The following FSIP2 variants were observed in gnomAD, a reference collection of about 807,000 sequenced individuals.
FSIP2 encodes the protein fibrous sheath-interacting protein 2.
In FSIP2, 367 loss-of-function variants were observed where a neutral mutation model predicts 510.5. The observed-to-expected ratio is 0.72, with a 90% CI of 0.66 to 0.78. The LOEUF (loss-of-function observed/expected upper bound fraction) is 0.78. Among genes scored for constraint, FSIP2 ranks in the 30% least tolerant of loss-of-function variants. The pLI is 0.00. For synonymous variants in FSIP2, 2,601 were observed against 2,732.2 expected (o/e 0.95, Z 1.50); for missense variants, 7,594 against 7,901.7 (o/e 0.96, Z 1.48).
chr2:185,791,983 A>AGAT lies in FSIP2; in HGVS notation c.4848_4850dup (p.Lys1616_Ile1617insMet). The AGAT allele has an allele frequency of 2.6e-6, 4 of 1,533,960 alleles. No individual in the cohort carries two copies. The highest frequency in any genetic ancestry group is 3.5e-6 in the Non-Finnish European group (4 of 1,145,386). ...AATGATGGAAATAAGAAAAGCAATA[A>AGAT]GATAGGCTGGGAATATGAAAGCACC... On this transcript the variant is annotated inframe_insertion, in exon 16 of 23. Coordinates refer to ENST00000424728, the MANE Select transcript of FSIP2 (RefSeq NM_173651.4).
At chr2:185,826,625 G>GT (rs34269184) in intron 20 of FSIP2, among the ~76,000 whole-genome samples, 2,742 of 151,732 alleles carry the variant, frequency 0.018, 32 homozygotes, top group Non-Finnish European at 0.027. Context: ...TATTTTAACT[G>GT]TTTTTTTGAC....
In FSIP2 at chr2:185,802,964, A is replaced by G; in HGVS notation, c.13658A>G (p.Gln4553Arg). The G allele has an allele frequency of 1.3e-6, 2 of 1,529,456 alleles. No individual in the cohort carries two copies. The highest frequency in any genetic ancestry group is 1.7e-6 in the Non-Finnish European group (2 of 1,143,742). The allele number at this position is 1,529,456 out of a possible 1,614,324, so 94.7% of individuals were successfully genotyped here. ...LVDSVFANVV[Q>R]TSGSQESAVQ... is the part of the protein sequence containing the mutation. ...GATTCAGTATTTGCAAATGTTGTGC[A>G]AACCTCTGGTTCTCAAGAATCAGCT... Residue 4553 changes from glutamine to arginine, a missense_variant, in exon 17 of 23, where the codon CAA becomes CGA. Transcript: ENST00000424728.
At chr2:185,772,494 G>A (rs2105577660) in intron 13 of FSIP2, among the ~76,000 whole-genome samples, 1 of 152,266 alleles carries the variant, frequency 6.6e-6, no homozygotes, top group Non-Finnish European at 1.5e-5. Context: ...AGGGGAGCAG[G>A]CATATCACAT....
intron 13 of FSIP2, among the ~76,000 whole-genome samples, chr2:185,781,720 C>A (rs1414932285): frequency 2.0e-5 from 3 of 152,160 alleles, no homozygotes; most frequent in Admixed American, 2.0e-4. Context: ...GGCTTTAATG[C>A]TCTATACTGA....
rs1180434068 is a variant in FSIP2, at chr2:185,800,696, T to C, written c.11390T>C (p.Val3797Ala). 14 of 1,534,016 alleles carry C rather than the reference T, an allele frequency of 9.1e-6. No individual in the cohort carries two copies. The highest frequency in any genetic ancestry group is 6.1e-6 in the Non-Finnish European group (7 of 1,145,598). The change falls in exon 17 of 23, where the codon GTA (valine) becomes GCA (alanine). Residue 3797 changes from valine to alanine, a missense_variant. Transcript: ENST00000424728. The stretch of plus-strand genomic sequence containing the variant: ...CAACTTTTAAAAATGCTTCAAAGTG[T>C]AGAAGATGGAAAATCTGATTATCGT... The part of the protein sequence containing the change: ...ECQLLKMLQS[V>A]EDGKSDYRKG...
intron 13 of FSIP2, among the ~76,000 whole-genome samples, chr2:185,769,020 T>C (rs1183513862): frequency 1.3e-5 from 2 of 152,202 alleles, no homozygotes; most frequent in Non-Finnish European, 1.5e-5. Flanking sequence ...TTTTTAAAAA[T>C]CTAGTCTACC....
At chr2:185,765,493 A>C (rs570940284) in intron 13 of FSIP2, 127 of 152,046 alleles carry the variant, frequency 8.4e-4, no homozygotes, top group African/African-American at 2.8e-3. Context: ...GTTCTGTTCC[A>C]TTGATCTATA....
intron 19 of FSIP2, among the ~76,000 whole-genome samples, chr2:185,819,841 T>C (rs1693883277): frequency 3.1e-5 from 1 of 31,994 alleles, no homozygotes; most frequent in Non-Finnish European, 6.8e-5. Context: ...TTTCAATGTA[T>C]GATATTTTCC....
Position 185,787,973 on chromosome 2 carries a change from T to TGGTATTTATTTGTATTATC in FSIP2, c.1507-670_1507-669insGGTATTTATTTGTATTATC, listed in dbSNP as rs1171313224. 2.0e-5 allele frequency: 3 copies of TGGTATTTATTTGTATTATC among 151,626 alleles called. No homozygotes were observed. In the East Asian group the frequency reaches 5.8e-4, roughly 29 times the overall value. The allele number at this position is 151,626 out of a possible 1,614,324, so 9.4% of individuals were successfully genotyped here. On this transcript the variant is annotated intron_variant, in intron 15 of 22. Transcript: ENST00000424728. ...TTTATTTTTATTTTATTTGTATTAT[T>TGGTATTTATTTGTATTATC]TGTATTTATTTGTATTATCGCTTTT... is the stretch of plus-strand genomic sequence containing the variant.
At position 185,801,926 on chromosome 2, in the gene FSIP2, G is replaced by GA. The variant is rs1693447366; in HGVS notation, c.12626dup (p.Asn4209LysfsTer12). 5 of 1,515,636 alleles carry GA rather than the reference G, an allele frequency of 3.3e-6. No homozygotes were observed. The highest frequency in any genetic ancestry group is 3.5e-6 in the Non-Finnish European group (4 of 1,134,602). 93.9% of individuals were successfully genotyped at this position (1,515,636 alleles called of 1,614,324 possible). On this transcript the variant is annotated frameshift_variant, in exon 17 of 23. Coordinates refer to ENST00000424728, the MANE Select transcript of FSIP2 (RefSeq NM_173651.4). LOFTEE classifies it high-confidence loss of function. ...TATGATAATCAATATCTATATACTG[G>GA]AAAAAACCTCCAAAAGATGGTGGAT...
Position 185,813,599 on chromosome 2 carries a change from G to C in FSIP2, c.19882G>C (p.Glu6628Gln). 6.4e-7 allele frequency: 1 copy of C among 1,572,448 alleles called. No homozygotes were observed. The highest frequency in any genetic ancestry group is 8.6e-7 in the Non-Finnish European group (1 of 1,160,534). The change falls in exon 18 of 23, where the codon GAG (glutamate) becomes CAG (glutamine). Residue 6628 changes from glutamate to glutamine, a missense_variant. Coordinates refer to ENST00000424728, the MANE Select transcript of FSIP2 (RefSeq NM_173651.4). The stretch of plus-strand genomic sequence containing the variant: ...AAGAAAGCCTGATATTACAAAGGTG[G>C]AGCTCTTAAAAGATGTTCAAAGTAA... ...NIRKPDITKV[E>Q]LLKDVQSKND...
At chr2:185,768,810 C>T (rs1446973540) in intron 13 of FSIP2, among the ~76,000 whole-genome samples, 2 of 151,788 alleles carry the variant, frequency 1.3e-5, no homozygotes, top group Admixed American at 6.6e-5. Flanking sequence ...AGTGTGGCCT[C>T]GGTGTCATTC....
intron 13 of FSIP2, among the ~76,000 whole-genome samples, chr2:185,776,668 A>G (rs1559020276): frequency 6.6e-6 from 1 of 152,180 alleles, no homozygotes; most frequent in Non-Finnish European, 1.5e-5. Context: ...GATATGATAT[A>G]TGACATTTTT....
chr2:185,782,580 A>AGAG (rs1692875245), intron 13 of FSIP2, 125 bp from the exon 14 acceptor site: 1 of 656,954 alleles, frequency 1.5e-6, no homozygotes, highest in Non-Finnish European at 2.7e-6. Context: ...TTCACTGTGG[A>AGAG]GAGTCCCTGA....
Position 185,796,945 on chromosome 2 carries a change from T to C in FSIP2, c.9809T>C (p.Leu3270Ser). 1 of 1,534,938 alleles carries C rather than the reference T, an allele frequency of 6.5e-7. No homozygotes were observed. The highest frequency in any genetic ancestry group is 8.7e-7 in the Non-Finnish European group (1 of 1,146,234). Residue 3270 changes from leucine to serine, a missense_variant, in exon 16 of 23, where the codon TTA (leucine) becomes TCA (serine). By Grantham distance (145) the Leu-to-Ser change is moderately radical. Transcript: ENST00000424728. ...AGCTACCTCCCTGAAGGCAGTTTCT[T>C]ACAAAAGCTGCTTAGGAAAGCAAGT... Reference protein sequence around the residue: ...GNSYLPEGSFLQKLLRKASDS... With the variant: ...GNSYLPEGSFSQKLLRKASDS...
In FSIP2 at chr2:185,808,185, T is replaced by A; in HGVS notation, c.18879T>A (p.Ile6293=). The part of the protein sequence containing the change: ...DTIGFLMVNA[I]SNSEFQPQVE... Reference sequence around the variant, plus strand: ...TAGGCTTTTTAATGGTGAATGCAATTTCGAATTCTGAATTTCAACCTCAAG... The same window carrying A: ...TAGGCTTTTTAATGGTGAATGCAATATCGAATTCTGAATTTCAACCTCAAG... Residue 6293 remains isoleucine (I), a synonymous_variant, in exon 17 of 23, where the codon ATT becomes ATA. Transcript: ENST00000424728. 6.2e-7 allele frequency: 1 copy of A among 1,611,876 alleles called. No homozygotes were observed. The highest frequency in any genetic ancestry group is 8.5e-7 in the Non-Finnish European group (1 of 1,179,058).
Position 185,804,445 on chromosome 2 carries a change from C to T in FSIP2, c.15139C>T (p.Gln5047Ter). The change falls in exon 17 of 23, where the codon CAA becomes TAA. Residue 5047 changes from glutamine to a stop codon, truncating the protein, a stop_gained. Coordinates refer to ENST00000424728, the MANE Select transcript of FSIP2 (RefSeq NM_173651.4). LOFTEE classifies it high-confidence loss of function. ...KSLIQIHRVI[Q>*]SDTICFGRKI... Reference sequence around the variant, plus strand: ...TCTGATTCAAATACATAGGGTTATACAAAGTGACACAATATGTTTTGGTAG... The same window carrying T: ...TCTGATTCAAATACATAGGGTTATATAAAGTGACACAATATGTTTTGGTAG... 1 of 1,516,030 alleles carries T rather than the reference C, an allele frequency of 6.6e-7. No homozygotes were observed. The highest frequency in any genetic ancestry group is 1.4e-5 in the African/African-American group (1 of 72,194). 93.9% of individuals were successfully genotyped at this position (1,516,030 alleles called of 1,614,324 possible).
rs1167435599 is a variant in FSIP2, at chr2:185,803,660, A to T, written c.14354A>T (p.Tyr4785Phe). 2.0e-6 allele frequency: 3 copies of T among 1,530,722 alleles called. 1 individual carries two copies. In the South Asian group the frequency reaches 3.6e-5, roughly 18 times the overall value. 94.8% of individuals were successfully genotyped at this position (1,530,722 alleles called of 1,614,324 possible). The change falls in exon 17 of 23, where the codon TAT (tyrosine) becomes TTT (phenylalanine). Residue 4785 changes from tyrosine (Y) to phenylalanine (F), a missense_variant. Coordinates refer to ENST00000424728, the MANE Select transcript of FSIP2 (RefSeq NM_173651.4). Reference sequence around the variant, plus strand: ...TTCCAAAGACAAGCTTCAACAATGTATACCACTATGTTATCACATAGTCAT... The same window carrying T: ...TTCCAAAGACAAGCTTCAACAATGTTTACCACTATGTTATCACATAGTCAT... ...SRFQRQASTM[Y>F]TTMLSHSHLE... is the part of the protein sequence containing the mutation.
At chr2:185,823,617 T>C (rs1382208557) in intron 19 of FSIP2, among the ~76,000 whole-genome samples, 1 of 151,664 alleles carries the variant, frequency 6.6e-6, no homozygotes, top group Non-Finnish European at 1.5e-5. Flanking sequence ...ATGTCAAGAA[T>C]TGAAACCCTT....
Sources: allele counts gnomAD v4.1 joint callset (sites outside exome capture counted in the v4.1 genomes callset), GRCh38; gene constraint gnomAD v4.1.1; transcripts MANE v1.5; gene names NCBI Gene and HGNC (gene_info 2026-07-23, HGNC 2026-07-21).